CDKN2B-AS1: variants seen among roughly 807,000 people sequenced by gnomAD.
The protein encoded by CDKN2B-AS1 is CDKN2B antisense RNA 1 (non-protein coding).
At chr9:22,017,616 T>A (rs1587406285) in intron 1 of CDKN2B-AS1, among the ~76,000 whole-genome samples, 2 of 152,250 alleles carry the variant, frequency 1.3e-5, no homozygotes, top group East Asian at 3.8e-4. Flanking sequence ...AAACATTATG[T>A]CAACATTGGC....
intron 4 of CDKN2B-AS1, among the ~76,000 whole-genome samples, chr9:22,074,635 G>A (rs1437769935): frequency 1.3e-5 from 2 of 152,220 alleles, no homozygotes; most frequent in African/African-American, 4.8e-5. Context: ...GCTGGAAGCT[G>A]AGAGTAGAGT....
chr9:22,098,909 C>T (rs1375038146), intron 4 of CDKN2B-AS1, among the ~76,000 whole-genome samples: 1 of 152,090 alleles, frequency 6.6e-6, no homozygotes, highest in Non-Finnish European at 1.5e-5. Flanking sequence ...GAATGCTTAC[C>T]GTGTTCAGGG....
chr9:22,064,801 T>C lies in CDKN2B-AS1; in HGVS notation n.438+8414T>C, dbSNP rs547380588. On this transcript the variant is annotated intron_variant and non_coding_transcript_variant, in intron 4 of 4. Transcript: ENST00000650946. Reference sequence around the variant, plus strand: ...AGCTGAGTGGCCAAACACACAATGGTTTTCATTTAACATCTCATTTCTAGC... The same window carrying C: ...AGCTGAGTGGCCAAACACACAATGGCTTTCATTTAACATCTCATTTCTAGC... 2.6e-5 allele frequency among the ~76,000 whole-genome samples: 4 copies of C among 152,168 alleles called. No homozygotes were observed. The South Asian group carries it at 8.3e-4, about 32-fold the overall frequency.
chr9:22,077,789 A>G (rs1824553731), intron 4 of CDKN2B-AS1: 1 of 152,212 alleles, frequency 6.6e-6, no homozygotes, highest in South Asian at 2.1e-4. Flanking sequence ...TAGCTGTATT[A>G]TATTTGTCTC....
At chr9:22,047,751 C>T (rs1166031173) in intron 2 of CDKN2B-AS1, among the ~76,000 whole-genome samples, 1 of 151,784 alleles carries the variant, frequency 6.6e-6, no homozygotes, top group Non-Finnish European at 1.5e-5. Context: ...TCCAGCTTTG[C>T]TGTGGTTAGA....
intron 3 of CDKN2B-AS1, among the ~76,000 whole-genome samples, chr9:22,054,803 AGAGTCTCACTCTGTCT>A: frequency 6.7e-6 from 1 of 149,402 alleles, no homozygotes; most frequent in South Asian, 2.1e-4. Flanking sequence ...TTCTTGAGAC[AGAGTCTCACTCTGTCT>A]CAGCTCACTG....
chr9:22,082,548 G>A (rs72652405), intron 4 of CDKN2B-AS1, among the ~76,000 whole-genome samples: 6 of 152,170 alleles, frequency 3.9e-5, no homozygotes, highest in Non-Finnish European at 5.9e-5. Context: ...TGAAGGAATA[G>A]ATAAACGTAT....
chr9:22,056,247 TCC>T, intron 3 of CDKN2B-AS1: 1 of 132,730 alleles, frequency 7.5e-6, no homozygotes, highest in East Asian at 2.1e-4. Context: ...TTTTTTTTTT[TCC>T]AGTAGAGACG....
chr9:22,087,008 T>C (rs1253516628), intron 4 of CDKN2B-AS1, among the ~76,000 whole-genome samples: 1 of 152,264 alleles, frequency 6.6e-6, no homozygotes, highest in Non-Finnish European at 1.5e-5. Context: ...CATACTTCCT[T>C]GCCAAGAGAA....
chr9:22,085,506 G>A (rs1824839592), intron 4 of CDKN2B-AS1, among the ~76,000 whole-genome samples: 1 of 152,130 alleles, frequency 6.6e-6, no homozygotes, highest in South Asian at 2.1e-4. Context: ...GGATCACGAG[G>A]TCAGGAGATC....
intron 4 of CDKN2B-AS1, among the ~76,000 whole-genome samples, chr9:22,107,949 C>G (rs1184029196): frequency 6.6e-6 from 1 of 152,170 alleles, no homozygotes; most frequent in Non-Finnish European, 1.5e-5. Context: ...GTCTAAGAAA[C>G]AAACCAGCCG....
At position 21,999,636 on chromosome 9, in the gene CDKN2B-AS1, T is replaced by C. The variant is rs184056728; in HGVS notation, n.29+4475T>C. ...TATATAAATTGCTACAGATAACTTG[T>C]ATAAGTATGCAGAAATGTTTCTTTA... On this transcript the variant is annotated intron_variant and non_coding_transcript_variant, in intron 1 of 4. Coordinates refer to ENST00000650946, the Ensembl canonical transcript of CDKN2B-AS1. The surrounding 1 kb of genome is among the most constrained non-coding windows in gnomAD (Gnocchi z 4.7). Among the ~76,000 whole-genome samples, 1 of 152,276 alleles carries C rather than the reference T, an allele frequency of 6.6e-6. No individual in the cohort carries two copies. The highest frequency in any genetic ancestry group is 6.5e-5 in the Admixed American group (1 of 15,300).
At chr9:22,040,450 C>T (rs1222487750) in intron 1 of CDKN2B-AS1, among the ~76,000 whole-genome samples, 2 of 152,060 alleles carry the variant, frequency 1.3e-5, no homozygotes, top group Admixed American at 6.6e-5. Flanking sequence ...CACAAACAAC[C>T]AGACTATAGT....
At chr9:22,032,859 C>T (rs1431899289) in intron 1 of CDKN2B-AS1, 1 of 151,580 alleles carries the variant, frequency 6.6e-6, no homozygotes. Context: ...CAGACTGTGG[C>T]CCTAGTGTAG....
At chr9:22,080,245 C>CT (rs1177119373) in intron 4 of CDKN2B-AS1, among the ~76,000 whole-genome samples, 1 of 152,240 alleles carries the variant, frequency 6.6e-6, no homozygotes, top group African/African-American at 2.4e-5. Context: ...CAAGAACAGA[C>CT]TTTCCCCTCC....
Position 22,094,527 on chromosome 9 carries a change from T to C in CDKN2B-AS1, n.439-32576T>C, listed in dbSNP as rs989976786. 8.3e-5 allele frequency among the ~76,000 whole-genome samples: 12 copies of C among 144,358 alleles called. 1 individual carries two copies. The highest frequency in any genetic ancestry group is 3.5e-4 in the African/African-American group (12 of 34,624). The allele number at this position is 144,358 out of a possible 152,430, so 94.7% of individuals were successfully genotyped here. ...AGGCTTTGTTTGTTTCTTTTTATTC[T>C]TTTTCCTCTAAACTTCTTGCTTCTT... On this transcript the variant is annotated intron_variant and non_coding_transcript_variant, in intron 4 of 4. Coordinates refer to ENST00000650946, the Ensembl canonical transcript of CDKN2B-AS1.
chr9:22,054,927 T>A (rs1044896616), intron 3 of CDKN2B-AS1, among the ~76,000 whole-genome samples: 6 of 151,856 alleles, frequency 4.0e-5, no homozygotes, highest in African/African-American at 1.2e-4. Flanking sequence ...CACTTTTGTA[T>A]TTTTAGTAGA....
chr9:22,122,645 A>G lies in CDKN2B-AS1; in HGVS notation n.439-4458A>G, dbSNP rs1326826611. ...CCAGTTTTCCCAGCACCATTCGTTGAGGAGACTGTCCTTTACCCACTGAGT... is the reference window on the plus strand; with the variant it reads ...CCAGTTTTCCCAGCACCATTCGTTGGGGAGACTGTCCTTTACCCACTGAGT... On this transcript the variant is annotated intron_variant and non_coding_transcript_variant, in intron 4 of 4. Coordinates refer to ENST00000650946, the Ensembl canonical transcript of CDKN2B-AS1. 2.6e-5 allele frequency among the ~76,000 whole-genome samples: 4 copies of G among 152,168 alleles called. No individual in the cohort carries two copies. In the East Asian group the frequency reaches 7.7e-4, roughly 29 times the overall value.
At chr9:22,085,887 A>G (rs1298014098) in intron 4 of CDKN2B-AS1, among the ~76,000 whole-genome samples, 1 of 151,144 alleles carries the variant, frequency 6.6e-6, no homozygotes, top group Non-Finnish European at 1.5e-5. Flanking sequence ...TTGTTTTTCT[A>G]TTTCTTTGCA....
Sources: gnomAD v4.1 joint callset for allele counts (sites outside exome capture counted in the v4.1 genomes callset) on GRCh38, gnomAD v4.1.1 for gene constraint, Gnocchi (gnomAD v3.1) non-coding constraint, MANE v1.5 for transcripts, NCBI Gene and HGNC (gene_info 2026-07-23, HGNC 2026-07-21) for gene names.